The following GMDS variants were observed in gnomAD, a reference collection of about 807,000 sequenced individuals.
The protein encoded by GMDS is GDP-mannose 4,6-dehydratase, also known as GDP-mannose 4,6 dehydratase.
In GMDS, 20 loss-of-function variants were observed where a neutral mutation model predicts 49.9. The observed-to-expected ratio is 0.40, with a 90% CI of 0.28 to 0.58. The LOEUF is 0.58. Ranked by LOEUF, GMDS falls within the 20% of genes least tolerant of loss-of-function variation. The pLI, the probability that GMDS is intolerant of heterozygous loss-of-function variation, is 0.42. For synonymous variants in GMDS, 177 were observed against 178.6 expected (o/e 0.99, Z 0.07); for missense variants, 362 against 481.4 (o/e 0.75, Z 2.32).
intron 7 of GMDS, among the ~76,000 whole-genome samples, chr6:1,837,635 C>A (rs760389170): frequency 6.6e-6 from 1 of 152,222 alleles, no homozygotes; most frequent in Non-Finnish European, 1.5e-5. Flanking sequence ...AAGACTCTCT[C>A]AAGAACTTCG....
At chr6:2,169,052 T>C (rs1354556970) in intron 1 of GMDS, among the ~76,000 whole-genome samples, 2 of 152,204 alleles carry the variant, frequency 1.3e-5, no homozygotes, top group Non-Finnish European at 2.9e-5. Flanking sequence ...ATTTGTAGAC[T>C]TTATTTTAGA....
At chr6:2,159,240 C>T (rs1013917168) in intron 1 of GMDS, among the ~76,000 whole-genome samples, 21 of 152,162 alleles carry the variant, frequency 1.4e-4, no homozygotes, top group Non-Finnish European at 2.4e-4. Context: ...AGAGGGGTAC[C>T]GACCTCCTGT....
At chr6:2,169,304 G>C (rs1007775602) in intron 1 of GMDS, among the ~76,000 whole-genome samples, 18 of 152,284 alleles carry the variant, frequency 1.2e-4, no homozygotes, top group African/African-American at 4.1e-4. Context: ...ATAAGAAAGA[G>C]TTCCTTCAAC....
chr6:1,847,597 C>CA (rs1301679515), intron 7 of GMDS, among the ~76,000 whole-genome samples: 2 of 152,220 alleles, frequency 1.3e-5, no homozygotes, highest in Non-Finnish European at 2.9e-5. Context: ...ACTTCAATCT[C>CA]AGTGTGTCCA....
At chr6:1,875,677 A>G (rs1299669652) in intron 7 of GMDS, among the ~76,000 whole-genome samples, 7 of 152,180 alleles carry the variant, frequency 4.6e-5, no homozygotes, top group Non-Finnish European at 7.3e-5. Flanking sequence ...TTCTATTGTC[A>G]TATATTAAAT....
At chr6:1,939,809 T>G (rs978256152) in intron 6 of GMDS, among the ~76,000 whole-genome samples, 5 of 152,308 alleles carry the variant, frequency 3.3e-5, no homozygotes, top group South Asian at 4.1e-4. Flanking sequence ...AGAATTTGAT[T>G]GCATATTAGG....
Position 1,930,799 on chromosome 6 carries a change from T to C in GMDS, c.644-569A>G, listed in dbSNP as rs1354645090. 3 of 152,230 alleles carry C rather than the reference T, an allele frequency of 2.0e-5. No individual in the cohort carries two copies. In the East Asian group the frequency reaches 5.8e-4, roughly 29 times the overall value. 9.4% of individuals were successfully genotyped at this position (152,230 alleles called of 1,614,324 possible). ...ACAAAATAAGTGGTGATGGCTCTTA[T>C]TTAGAAACCTGCACAGCCATCCAAA... On this transcript the variant is annotated intron_variant, in intron 6 of 10. Transcript: ENST00000380815.
intron 9 of GMDS, among the ~76,000 whole-genome samples, chr6:1,724,968 G>C (rs1430003361): frequency 6.6e-6 from 1 of 152,200 alleles, no homozygotes; most frequent in Non-Finnish European, 1.5e-5. Context: ...GTGTGGTAGA[G>C]TGCATGAAAT....
chr6:2,118,551 A>G (rs993414177), intron 2 of GMDS, among the ~76,000 whole-genome samples: 3 of 152,258 alleles, frequency 2.0e-5, no homozygotes, highest in Admixed American at 6.5e-5. Flanking sequence ...GAGGTAAATT[A>G]TAAGAATATA....
chr6:2,016,891 T>C (rs1290975029), intron 4 of GMDS, among the ~76,000 whole-genome samples: 3 of 151,880 alleles, frequency 2.0e-5, no homozygotes, highest in African/African-American at 7.3e-5. Context: ...ATATCAAAAA[T>C]CAGTCAGCAA....
Position 1,623,830 on chromosome 6 carries a change from T to G in GMDS, c.*339A>C. 1 of 315,930 alleles carries G rather than the reference T, an allele frequency of 3.2e-6. No homozygotes were observed. The highest frequency in any genetic ancestry group is 5.8e-6 in the Non-Finnish European group (1 of 171,606). 19.6% of individuals were successfully genotyped at this position (315,930 alleles called of 1,614,324 possible). On this transcript the variant is annotated 3_prime_UTR_variant, in exon 11 of 11. Transcript: ENST00000380815. ...ATGCTAGTTCACAGAAAGACCATTTTTAATATGAAAAGAGAAAAACAATTT... is the reference window on the plus strand; with the variant it reads ...ATGCTAGTTCACAGAAAGACCATTTGTAATATGAAAAGAGAAAAACAATTT...
At chr6:2,117,622 T>A in intron 2 of GMDS, 66 bp from the exon 3 acceptor site, 3 of 810,174 alleles carry the variant, frequency 3.7e-6, no homozygotes, top group African/African-American at 1.7e-5. Context: ...CTTTAGCTAA[T>A]GTTTAGCTTT....
At position 1,961,542 on chromosome 6, in the gene GMDS, A is replaced by G. The variant is rs993881088; in HGVS notation, c.346-576T>C. ...CAGCAAGATGCTAATGTATATATGA[A>G]CCAATTTCTAAGCGAATGCTGAGGA... is the stretch of plus-strand genomic sequence containing the variant. On this transcript the variant is annotated intron_variant, in intron 4 of 10. Transcript: ENST00000380815. Among the ~76,000 whole-genome samples, 6 of 152,340 alleles carry G rather than the reference A, an allele frequency of 3.9e-5. No homozygotes were observed. The South Asian group carries it at 1.2e-3, about 32-fold the overall frequency.
At chr6:1,712,894 T>C (rs1274180215) in intron 9 of GMDS, among the ~76,000 whole-genome samples, 2 of 152,192 alleles carry the variant, frequency 1.3e-5, no homozygotes, top group Non-Finnish European at 1.5e-5. Context: ...ATTACTTAGT[T>C]GGAGGGCTGA....
chr6:1,817,016 A>T (rs1385557371), intron 7 of GMDS, among the ~76,000 whole-genome samples: 3 of 150,314 alleles, frequency 2.0e-5, no homozygotes, highest in Non-Finnish European at 3.0e-5. Flanking sequence ...AAAATTTGTC[A>T]TTAGTAAATT....
At chr6:2,037,569 C>T (rs1769376704) in intron 4 of GMDS, among the ~76,000 whole-genome samples, 1 of 152,068 alleles carries the variant, frequency 6.6e-6, no homozygotes. Context: ...TATCTTGTGC[C>T]CAGAACAAGA....
At chr6:2,078,905 T>C (rs1467744111) in intron 4 of GMDS, among the ~76,000 whole-genome samples, 3 of 151,982 alleles carry the variant, frequency 2.0e-5, no homozygotes, top group Non-Finnish European at 2.9e-5. Context: ...TCTCCTTAAA[T>C]CTAGTAATAT....
At chr6:1,841,853 C>T (rs1419898826) in intron 7 of GMDS, among the ~76,000 whole-genome samples, 1 of 152,212 alleles carries the variant, frequency 6.6e-6, no homozygotes, top group East Asian at 1.9e-4. Flanking sequence ...TTTCTTCTCA[C>T]TCACTTCTAT....
chr6:2,229,978 C>T (rs918082392), intron 1 of GMDS, among the ~76,000 whole-genome samples: 21 of 152,176 alleles, frequency 1.4e-4, no homozygotes, highest in African/African-American at 4.8e-4. Flanking sequence ...AACAATGCTG[C>T]CTATTCCACT....
Sources: allele counts gnomAD v4.1 joint callset (sites outside exome capture counted in the v4.1 genomes callset), GRCh38; gene constraint gnomAD v4.1.1; transcripts MANE v1.5; gene names NCBI Gene and HGNC (gene_info 2026-07-23, HGNC 2026-07-21).